LRRC19: variants seen among roughly 807,000 people sequenced by gnomAD.
The protein encoded by LRRC19 is leucine rich repeat containing 19.
Under a neutral mutation model 33.3 loss-of-function variants are expected in LRRC19, and 33 were observed. That is an observed-to-expected ratio of 0.99 (90% CI 0.75 to 1.33). The LOEUF (loss-of-function observed/expected upper bound fraction) is 1.33, where lower values mean the gene tolerates loss of function less well. Among genes scored for constraint, LRRC19 ranks in the 40% most tolerant of loss-of-function variants. The pLI is 0.00. For synonymous variants in LRRC19, 184 were observed against 152.3 expected, an observed-to-expected ratio of 1.21 and a Z score of -1.53; for missense variants, 463 against 417.3, an observed-to-expected ratio of 1.11 and a Z score of -0.95.
intron 3 of LRRC19, among the ~76,000 whole-genome samples, chr9:26,997,330 CTTTTTTTTTTTTT>C: frequency 8.1e-6 from 1 of 123,598 alleles, no homozygotes; most frequent in East Asian, 2.9e-4. Context: ...GTTTCCTTTC[CTTTTTTTTTTTTT>C]TTTTTTTTGA....
At chr9:27,002,876 G>T (rs1828574544) in intron 1 of LRRC19, among the ~76,000 whole-genome samples, 1 of 151,888 alleles carries the variant, frequency 6.6e-6, no homozygotes, top group African/African-American at 2.4e-5. Flanking sequence ...AAATTGCTTT[G>T]GTTAGTATTG....
Position 26,993,337 on chromosome 9 carries a change from G to A in LRRC19, c.*2184C>T, listed in dbSNP as rs1186365696. On this transcript the variant is annotated 3_prime_UTR_variant, in exon 5 of 5. Transcript: ENST00000380055. ...CATTGTTTAGAAAAAGATATTTTAT[G>A]TTCCTATAATCATCTCATTCTTATA... 1 of 152,160 alleles carries A rather than the reference G, an allele frequency of 6.6e-6. No homozygotes were observed. The highest frequency in any genetic ancestry group is 2.1e-4 in the South Asian group (1 of 4,816). 9.4% of individuals were successfully genotyped at this position (152,160 alleles called of 1,614,324 possible).
At chr9:26,996,561 A>C in intron 3 of LRRC19, 62 bp from the exon 4 acceptor site, 6 of 1,148,236 alleles carry the variant, frequency 5.2e-6, no homozygotes, top group Non-Finnish European at 5.7e-6. Context: ...AACATTTTAT[A>C]ATTGTTTTAT....
Position 26,995,709 on chromosome 9 carries a change from C to G in LRRC19, c.925G>C (p.Glu309Gln), listed in dbSNP as rs761070383. The change falls in exon 5 of 5, where the codon GAA (glutamate) becomes CAA (glutamine). Residue 309 changes from glutamate (E) to glutamine (Q), a missense_variant. Transcript: ENST00000380055. ...TCATAGGTTTCTGCTTCATGCTCTT[C>G]CAGGCGATGATGATTATAACTAAGC... ...ILLSYNHHRL[E>Q]EHEAETYEDG... 1 of 1,613,828 alleles carries G rather than the reference C, an allele frequency of 6.2e-7. No individual in the cohort carries two copies. Among genetic ancestry groups the G allele is most frequent in the Non-Finnish European group, 8.5e-7 (1 of 1,179,866 alleles).
intron 1 of LRRC19, among the ~76,000 whole-genome samples, chr9:27,001,940 C>A: frequency 7.4e-6 from 1 of 135,504 alleles, no homozygotes; most frequent in African/African-American, 2.6e-5. Context: ...TTCTTTTTTT[C>A]TCTTTTTTTT....
At chr9:27,001,501 T>C (rs1410636339) in intron 1 of LRRC19, among the ~76,000 whole-genome samples, 1 of 152,202 alleles carries the variant, frequency 6.6e-6, no homozygotes, top group African/African-American at 2.4e-5. Flanking sequence ...GAAGCTACTT[T>C]AATGGGGGTG....
At chr9:27,003,943 C>G (rs1407171164) in intron 1 of LRRC19, among the ~76,000 whole-genome samples, 19 of 152,152 alleles carry the variant, frequency 1.2e-4, no homozygotes, top group Non-Finnish European at 2.6e-4. Context: ...TTCAGTATTT[C>G]TCAATGATGT....
Position 26,998,163 on chromosome 9 carries a change from G to T in LRRC19, c.160C>A (p.Leu54Ile). The change falls in exon 3 of 5, where the codon CTC (leucine) becomes ATC (isoleucine). Residue 54 changes from leucine (L) to isoleucine (I), a missense_variant. By Grantham distance (5) the Leu-to-Ile change is conservative (BLOSUM62 2). Coordinates refer to ENST00000380055, the MANE Select transcript of LRRC19 (RefSeq NM_022901.3). ...DIKKDVTILDLSYNQITLNGT... is the reference protein window; with the variant it reads ...DIKKDVTILDISYNQITLNGT... ...TTAAGAGTAATTTGGTTATAACTGA[G>T]ATCAAGTATAGTAACATCTTTCTTG... 1 of 1,597,960 alleles carries T rather than the reference G, an allele frequency of 6.3e-7. No individual in the cohort carries two copies. The highest frequency in any genetic ancestry group is 1.1e-5 in the South Asian group (1 of 89,080).
In LRRC19 at chr9:26,993,739, A is replaced by G. The variant is rs890959290; in HGVS notation, c.*1782T>C. The G allele has an allele frequency of 6.6e-6, 1 of 152,202 alleles. No homozygotes were observed. The highest frequency in any genetic ancestry group is 2.4e-5 in the African/African-American group (1 of 41,456). 9.4% of individuals were successfully genotyped at this position (152,202 alleles called of 1,614,324 possible). The stretch of plus-strand genomic sequence containing the variant: ...TACACAACATACACAGAAGTAGCAT[A>G]TTATACCCTTATTTAGCTCCCAGCT... On this transcript the variant is annotated 3_prime_UTR_variant, in exon 5 of 5. Transcript: ENST00000380055.
intron 1 of LRRC19, among the ~76,000 whole-genome samples, chr9:27,002,689 T>C (rs1828565380): frequency 1.3e-5 from 2 of 152,222 alleles, no homozygotes; most frequent in African/African-American, 4.8e-5. Flanking sequence ...TTGGTTACTA[T>C]AGCTTTGTAG....
rs1038757990 is a variant in LRRC19 at position 26,993,713 on chromosome 9, A to T, written c.*1808T>A. 3.9e-5 allele frequency: 6 copies of T among 152,266 alleles called. No homozygotes were observed. In the East Asian group the frequency reaches 1.2e-3, roughly 29 times the overall value. The allele number at this position is 152,266 out of a possible 1,614,324, so 9.4% of individuals were successfully genotyped here. ...ATACACAGAAATAGCATACTATACCATACACAACATACACAGAAGTAGCAT... is the reference window on the plus strand; with the variant it reads ...ATACACAGAAATAGCATACTATACCTTACACAACATACACAGAAGTAGCAT... On this transcript the variant is annotated 3_prime_UTR_variant, in exon 5 of 5. Coordinates refer to ENST00000380055, the MANE Select transcript of LRRC19 (RefSeq NM_022901.3).
At chr9:27,003,786 C>A (rs1828631151) in intron 1 of LRRC19, among the ~76,000 whole-genome samples, 2 of 152,190 alleles carry the variant, frequency 1.3e-5, no homozygotes, top group Admixed American at 1.3e-4. Flanking sequence ...ATAATAGAAT[C>A]CCTTTTAGAG....
Position 26,994,238 on chromosome 9 carries a change from T to A in LRRC19, c.*1283A>T, listed in dbSNP as rs1828024078. ...TTAGCTTAGTAAAGTTTTACATAAA[T>A]CCTATTGTAAAGAATCTTGGCCAGG... On this transcript the variant is annotated 3_prime_UTR_variant, in exon 5 of 5. Transcript: ENST00000380055. 1 of 152,120 alleles carries A rather than the reference T, an allele frequency of 6.6e-6. No individual in the cohort carries two copies. Among genetic ancestry groups the A allele is most frequent in the Non-Finnish European group, 1.5e-5 (1 of 68,016 alleles). 9.4% of individuals were successfully genotyped at this position (152,120 alleles called of 1,614,324 possible). A position where few individuals can be genotyped will look rare whatever the true frequency, so the allele number is the denominator to read the frequency against.
Position 26,995,253 on chromosome 9 carries a change from C to T in LRRC19, c.*268G>A, listed in dbSNP as rs1408969883. 1 of 238,888 alleles carries T rather than the reference C, an allele frequency of 4.2e-6. No individual in the cohort carries two copies. The highest frequency in any genetic ancestry group is 8.1e-6 in the Non-Finnish European group (1 of 122,916). The allele number at this position is 238,888 out of a possible 1,614,324, so 14.8% of individuals were successfully genotyped here. On this transcript the variant is annotated 3_prime_UTR_variant, in exon 5 of 5. Coordinates refer to ENST00000380055, the MANE Select transcript of LRRC19 (RefSeq NM_022901.3). ...TTCATGAATAATTTAGACCTTTTTA[C>T]TAGTTCGTATGGTCACCCAAGCACT... is the stretch of plus-strand genomic sequence containing the variant.
intron 1 of LRRC19, among the ~76,000 whole-genome samples, chr9:27,001,460 C>T (rs957379280): frequency 3.9e-5 from 6 of 152,170 alleles, no homozygotes; most frequent in African/African-American, 1.4e-4. Flanking sequence ...CACATCGTCA[C>T]CAGCATCCGT....
Position 26,993,290 on chromosome 9 carries a change from G to A in LRRC19, c.*2231C>T, listed in dbSNP as rs1401645736. ...ATTAATATTTGCATCTTATAATTAG[G>A]AAATAATTTAGCAGAATGATACATT... is the stretch of plus-strand genomic sequence containing the variant. On this transcript the variant is annotated 3_prime_UTR_variant, in exon 5 of 5. Coordinates refer to ENST00000380055, the MANE Select transcript of LRRC19 (RefSeq NM_022901.3). 6.6e-6 allele frequency: 1 copy of A among 151,792 alleles called. No homozygotes were observed. Among genetic ancestry groups the A allele is most frequent in the East Asian group, 1.9e-4 (1 of 5,176 alleles). The allele number at this position is 151,792 out of a possible 1,614,324, so 9.4% of individuals were successfully genotyped here.
In LRRC19 at chr9:26,998,085, A is replaced by G; in HGVS notation, c.238T>C (p.Leu80=). The change falls in exon 3 of 5, where the codon TTG becomes CTG. Residue 80 remains leucine, a synonymous_variant. Transcript: ENST00000380055. The part of the protein sequence containing the change: ...QTYFLLTELY[L]IENKVTILHN... ...AAGATAGTAACCTTGTTCTCAATCA[A>G]ATAGAGCTCTGTGAGTAAAAAGTAT... 3 of 1,613,648 alleles carry G rather than the reference A, an allele frequency of 1.9e-6. No individual in the cohort carries two copies. In the South Asian group the frequency reaches 3.3e-5, roughly 18 times the overall value.
At chr9:26,996,608 TTA>T in intron 3 of LRRC19, 109 bp from the exon 4 acceptor site, 1 of 662,594 alleles carries the variant, frequency 1.5e-6, no homozygotes, top group Middle Eastern at 4.7e-4. Flanking sequence ...CTTAAAGGCA[TTA>T]TAAGAAATTC....
chr9:26,996,339 G>A lies in LRRC19; in HGVS notation c.756C>T (p.Ser252=), dbSNP rs746393675. 2.5e-6 allele frequency: 4 copies of A among 1,601,914 alleles called. No individual in the cohort carries two copies. In the South Asian group the frequency reaches 3.4e-5, roughly 13 times the overall value. Residue 252 remains serine (S), a synonymous_variant, in exon 4 of 5, where the codon AGC becomes AGT. Coordinates refer to ENST00000380055, the MANE Select transcript of LRRC19 (RefSeq NM_022901.3). Reference sequence around the variant, plus strand: ...AATTTCTTGTTAAGTTGTTCGAAGAGCTATTAAATATTGAATTGCTGATGG... The same window carrying A: ...AATTTCTTGTTAAGTTGTTCGAAGAACTATTAAATATTGAATTGCTGATGG... ...FQPISNSIFN[S]SSNNLTRNSE...
Sources: allele counts gnomAD v4.1 joint callset (sites outside exome capture counted in the v4.1 genomes callset), GRCh38; gene constraint gnomAD v4.1.1; transcripts MANE v1.5; gene names NCBI Gene and HGNC (gene_info 2026-07-23, HGNC 2026-07-21).